The following AHI1 variants were observed in gnomAD, a reference collection of about 807,000 sequenced individuals.
The protein encoded by AHI1 is jouberin.
A neutral mutation model predicts 149.3 loss-of-function variants in AHI1; 123 were observed. The observed-to-expected ratio is 0.82, with a 90% CI of 0.71 to 0.96. AHI1 has a LOEUF of 0.96. AHI1 is among the 40% of genes least tolerant of loss of function. AHI1 has a pLI of 0.00. For missense variants in AHI1, 1,439 were observed against 1,422.7 expected (o/e 1.01, Z -0.18); for synonymous variants, 475 against 459.8 (o/e 1.03, Z -0.42).
rs926487438 is a variant in AHI1 at position 135,438,497 on chromosome 6, T to C, written c.1914A>G (p.Leu638=). The C allele has an allele frequency of 1.5e-5, 23 of 1,536,642 alleles. No homozygotes were observed. Among genetic ancestry groups the C allele is most frequent in the Non-Finnish European group, 1.7e-5 (19 of 1,138,244 alleles). ...TGAAACGTCCAGAAGGAATTTCATA[T>C]ACTAATGAAAATATTTAGAAATTAG... ...CASRDGYPII[L]YEIPSGRFMR... is the part of the protein sequence containing the mutation. The change falls in exon 15 of 29, where the codon TTA becomes TTG. Residue 638 remains leucine, a splice_region_variant and synonymous_variant. Transcript: ENST00000265602.
At chr6:135,417,738 T>C (rs1212082585) in intron 20 of AHI1, among the ~76,000 whole-genome samples, 1 of 151,918 alleles carries the variant, frequency 6.6e-6, no homozygotes. Context: ...ACACCTTTAG[T>C]TCTGTGAAGG....
chr6:135,396,227 C>G (rs1411611128), intron 22 of AHI1, among the ~76,000 whole-genome samples: 1 of 151,674 alleles, frequency 6.6e-6, no homozygotes, highest in African/African-American at 2.4e-5. Flanking sequence ...TAAAATATCA[C>G]CCAGCTTTAA....
At chr6:135,322,709 T>C (rs769767190) in intron 25 of AHI1, among the ~76,000 whole-genome samples, 7 of 152,236 alleles carry the variant, frequency 4.6e-5, no homozygotes, top group Admixed American at 6.5e-5. Flanking sequence ...CTAAATTTAC[T>C]TGAGAATGAA....
intron 24 of AHI1, among the ~76,000 whole-genome samples, chr6:135,357,304 C>A (rs1038317317): frequency 1.3e-5 from 2 of 152,134 alleles, no homozygotes; most frequent in Non-Finnish European, 2.9e-5. Flanking sequence ...TGAAATCCTC[C>A]AAAATCTGAA....
intron 24 of AHI1, among the ~76,000 whole-genome samples, chr6:135,355,212 C>T (rs556239861): frequency 1.2e-4 from 18 of 151,422 alleles, no homozygotes; most frequent in Non-Finnish European, 2.5e-4. Context: ...CTCAGCATGC[C>T]AAAAAAATTA....
At chr6:135,388,812 G>C (rs1197367528) in intron 23 of AHI1, among the ~76,000 whole-genome samples, 1 of 151,458 alleles carries the variant, frequency 6.6e-6, no homozygotes, top group Middle Eastern at 3.4e-3. Flanking sequence ...AGGAGTTCAA[G>C]ACCAGCCTGG....
intron 23 of AHI1, chr6:135,388,030 C>A (rs200151742): frequency 6.2e-7 from 1 of 1,613,720 alleles, no homozygotes; most frequent in Non-Finnish European, 8.5e-7. Context: ...AGCAAAGTGA[C>A]TGTCTGGAAA....
chr6:135,468,789 A>C (rs1372807320), intron 5 of AHI1, among the ~76,000 whole-genome samples: 1 of 152,198 alleles, frequency 6.6e-6, no homozygotes, highest in Non-Finnish European at 1.5e-5. Flanking sequence ...CCCTCCCAAG[A>C]CTGAAGCAGG....
intron 4 of AHI1, among the ~76,000 whole-genome samples, chr6:135,491,515 T>A (rs1795245660): frequency 6.6e-6 from 1 of 152,186 alleles, no homozygotes; most frequent in Non-Finnish European, 1.5e-5. Flanking sequence ...CATCTAATTT[T>A]CCCTTTTCTC....
intron 14 of AHI1, among the ~76,000 whole-genome samples, chr6:135,441,389 A>G (rs2128043660): frequency 6.6e-6 from 1 of 152,246 alleles, no homozygotes; most frequent in East Asian, 1.9e-4. Flanking sequence ...AAGAAGAAAG[A>G]GAAAAGGGCC....
intron 20 of AHI1, 124 bp downstream of exon 20, chr6:135,427,043 C>T: frequency 1.1e-6 from 1 of 919,714 alleles, no homozygotes; most frequent in East Asian, 2.9e-5. Context: ...TTCTGTGATT[C>T]CAACATAAGG....
rs535133195 is a variant in AHI1, at chr6:135,361,324, T to C, written c.3110-3137A>G. Among the ~76,000 whole-genome samples, 3 of 152,302 alleles carry C rather than the reference T, an allele frequency of 2.0e-5. No homozygotes were observed. The South Asian group carries it at 6.2e-4, about 32-fold the overall frequency. ...TCAGTATTGTTGTTTTAAACTGATA[T>C]ATTTATCTTTATCCCTTCTTGCAGA... On this transcript the variant is annotated intron_variant, in intron 23 of 28. Coordinates refer to ENST00000265602, the MANE Select transcript of AHI1 (RefSeq NM_001134831.2).
rs559330717 is a variant in AHI1 at position 135,370,263 on chromosome 6, A to T, written c.3110-12076T>A. 2.5e-4 allele frequency among the ~76,000 whole-genome samples: 38 copies of T among 152,286 alleles called. No individual in the cohort carries two copies. The South Asian group carries it at 7.9e-3, about 32-fold the overall frequency. ...GGGCTGTTGCTTAGTTAATTTCAATACACCTATTATAACTCTCCCCAAAAT... is the reference window on the plus strand; with the variant it reads ...GGGCTGTTGCTTAGTTAATTTCAATTCACCTATTATAACTCTCCCCAAAAT... On this transcript the variant is annotated intron_variant, in intron 23 of 28. Transcript: ENST00000265602.
At chr6:135,327,064 CATT>C (rs1787814116) in intron 24 of AHI1, among the ~76,000 whole-genome samples, 1 of 152,168 alleles carries the variant, frequency 6.6e-6, no homozygotes, top group Non-Finnish European at 1.5e-5. Flanking sequence ...CTGCAAAATA[CATT>C]ATTTCATACT....
chr6:135,300,101 G>A (rs1458217387), intron 27 of AHI1, among the ~76,000 whole-genome samples: 1 of 152,056 alleles, frequency 6.6e-6, no homozygotes, highest in Non-Finnish European at 1.5e-5. Context: ...GAGGCAGGTG[G>A]ATCACCTGAG....
intron 8 of AHI1, among the ~76,000 whole-genome samples, chr6:135,461,209 C>T (rs1004142494): frequency 1.3e-5 from 2 of 151,856 alleles, no homozygotes; most frequent in African/African-American, 4.8e-5. Context: ...AAACCTATCA[C>T]TACAAATCAA....
intron 22 of AHI1, among the ~76,000 whole-genome samples, 192 bp from the exon 23 acceptor site, chr6:135,395,088 G>C (rs1286223810): frequency 2.0e-5 from 3 of 151,868 alleles, no homozygotes; most frequent in African/African-American, 7.2e-5. Flanking sequence ...AAATATAATA[G>C]TAATTAGAAC....
intron 5 of AHI1, among the ~76,000 whole-genome samples, chr6:135,478,878 G>C (rs1221598120): frequency 6.6e-6 from 1 of 152,252 alleles, no homozygotes; most frequent in Non-Finnish European, 1.5e-5. Flanking sequence ...TTGAGACATG[G>C]GGCCCTGTGT....
At position 135,455,924 on chromosome 6, in the gene AHI1, C is replaced by G; in HGVS notation, c.1154G>C (p.Gly385Ala). 7.0e-7 allele frequency: 1 copy of G among 1,430,542 alleles called. No individual in the cohort carries two copies. The highest frequency in any genetic ancestry group is 2.4e-5 in the East Asian group (1 of 42,244). 88.6% of individuals were successfully genotyped at this position (1,430,542 alleles called of 1,614,324 possible). Residue 385 changes from glycine (G) to alanine (A), a missense_variant and splice_region_variant, in exon 10 of 29, where the codon GGA (glycine) becomes GCA (alanine). Coordinates refer to ENST00000265602, the MANE Select transcript of AHI1 (RefSeq NM_001134831.2). ...TGQYVKKDDSGRPVSSYYEKE... is the reference protein window; with the variant it reads ...TGQYVKKDDSARPVSSYYEKE... Reference sequence around the variant, plus strand: ...TTCATAGTAAGATGAAACAGGCCGTCCACTGTACAAAAAAAGATACTTCCA... The same window carrying G: ...TTCATAGTAAGATGAAACAGGCCGTGCACTGTACAAAAAAAGATACTTCCA...
Sources: gnomAD v4.1 joint callset for allele counts (sites outside exome capture counted in the v4.1 genomes callset) on GRCh38, gnomAD v4.1.1 for gene constraint, MANE v1.5 for transcripts, NCBI Gene and HGNC (gene_info 2026-07-23, HGNC 2026-07-21) for gene names.